Variants in MRC2 observed in about 807,000 individuals in gnomAD.
MRC2 encodes the protein C-type mannose receptor 2.
In MRC2, 84 loss-of-function variants were observed where a neutral mutation model predicts 206.2. The observed-to-expected ratio is 0.41, with a 90% confidence interval of 0.34 to 0.49. The LOEUF (loss-of-function observed/expected upper bound fraction) is 0.49, where lower values mean the gene tolerates loss of function less well. MRC2 is among the 20% of genes least tolerant of loss of function. The pLI is 0.31. For synonymous variants in MRC2, 798 were observed against 800.0 expected, an observed-to-expected ratio of 1.00 and a Z score of 0.04; for missense variants, 1,676 against 2,001.5, an observed-to-expected ratio of 0.84 and a Z score of 3.10.
intron 8 of MRC2, among the ~76,000 whole-genome samples, chr17:62,673,272 A>C (rs2088849604): frequency 6.6e-6 from 1 of 152,098 alleles, no homozygotes; most frequent in Non-Finnish European, 1.5e-5. Flanking sequence ...GCCTGTGGAT[A>C]CTGGGGAGGG....
intron 1 of MRC2, among the ~76,000 whole-genome samples, chr17:62,661,187 G>A (rs60354146): frequency 0.031 from 4,681 of 152,278 alleles, 267 homozygotes; most frequent in African/African-American, 0.11. Context: ...AGATCAGGCC[G>A]TTAGACAGGA....
chr17:62,680,393 A>G lies in MRC2; in HGVS notation c.2438-25A>G. ...TCCAGGGAGGGTCTCCTTTCCTCAC[A>G]ACGTCTTTGTCCTTGTTCCCCTAGG... On this transcript the variant is annotated intron_variant, in intron 15 of 29. Transcript: ENST00000303375. The surrounding 1 kb of genome is among the most constrained non-coding windows in gnomAD (Gnocchi z 4.8). The G allele has an allele frequency of 1.2e-6, 2 of 1,613,992 alleles. No individual in the cohort carries two copies. Among genetic ancestry groups the G allele is most frequent in the Non-Finnish European group, 1.7e-6 (2 of 1,179,930 alleles).
intron 1 of MRC2, among the ~76,000 whole-genome samples, chr17:62,643,887 T>A (rs1386731633): frequency 6.6e-6 from 1 of 152,170 alleles, no homozygotes; most frequent in Non-Finnish European, 1.5e-5. Context: ...GAAAAATCCC[T>A]TTGCTGAAAT....
chr17:62,671,590 G>T lies in MRC2; in HGVS notation c.1118-59G>T. 4 of 1,484,220 alleles carry T rather than the reference G, an allele frequency of 2.7e-6. No individual in the cohort carries two copies. Among genetic ancestry groups the T allele is most frequent in the Admixed American group, 2.3e-5 (1 of 44,254 alleles). The allele number at this position is 1,484,220 out of a possible 1,614,324, so 91.9% of individuals were successfully genotyped here. Reference sequence around the variant, plus strand: ...CGCCTGTGTTGACGTCAACCCAGTGGGTTGGTTCCCAGACTGGGCGGCTCA... The same window carrying T: ...CGCCTGTGTTGACGTCAACCCAGTGTGTTGGTTCCCAGACTGGGCGGCTCA... On this transcript the variant is annotated intron_variant, in intron 6 of 29. Coordinates refer to ENST00000303375, the MANE Select transcript of MRC2 (RefSeq NM_006039.5). This position sits in a 1 kb window ranked among gnomAD's most constrained non-coding sequence, Gnocchi z 4.5.
At chr17:62,688,997 G>A (rs1474726527) in intron 23 of MRC2, 37 bp downstream of exon 23, 2 of 1,542,150 alleles carry the variant, frequency 1.3e-6, no homozygotes, top group East Asian at 4.5e-5. Context: ...CCCCAGTGGG[G>A]CCCTGGCACC....
At chr17:62,689,310 A>T in intron 23 of MRC2, 1 of 577,792 alleles carries the variant, frequency 1.7e-6, no homozygotes, top group Non-Finnish European at 3.1e-6. Flanking sequence ...GGGTAGGAGG[A>T]GGTCAAGGCC....
At chr17:62,638,299 A>G (rs1007811744) in intron 1 of MRC2, among the ~76,000 whole-genome samples, 1 of 152,226 alleles carries the variant, frequency 6.6e-6, no homozygotes, top group African/African-American at 2.4e-5. Flanking sequence ...CATGAAAAAC[A>G]TCATATGGTT....
At chr17:62,679,603 C>T (rs974356363) in intron 13 of MRC2, 197 bp from the exon 14 acceptor site, 11 of 495,422 alleles carry the variant, frequency 2.2e-5, no homozygotes, top group East Asian at 1.7e-4. Context: ...CCAGCTCTCC[C>T]CAGCTCTGTC....
At chr17:62,688,700 C>T (rs747061768) in intron 22 of MRC2, 36 bp downstream of exon 22, 1 of 1,608,098 alleles carries the variant, frequency 6.2e-7, no homozygotes, top group Non-Finnish European at 8.5e-7. Context: ...CCGCACCGCG[C>T]TGCCCTAAGC....
At chr17:62,646,150 A>G (rs891795105) in intron 1 of MRC2, among the ~76,000 whole-genome samples, 13 of 148,908 alleles carry the variant, frequency 8.7e-5, no homozygotes, top group Non-Finnish European at 1.8e-4. Flanking sequence ...TCAGCCTCCC[A>G]AGTAGCTGGG....
At chr17:62,633,826 G>A (rs1208088188) in intron 1 of MRC2, among the ~76,000 whole-genome samples, 2 of 107,626 alleles carry the variant, frequency 1.9e-5, no homozygotes, top group Admixed American at 1.4e-4. Flanking sequence ...GAGTGACAGA[G>A]TGAGACCCTG....
intron 6 of MRC2, among the ~76,000 whole-genome samples, chr17:62,668,633 C>T (rs765924972): frequency 2.6e-4 from 40 of 152,248 alleles, no homozygotes; most frequent in South Asian, 1.9e-3. Flanking sequence ...GCTTAAAGGG[C>T]ATGGTGAAGA....
At chr17:62,661,003 G>A (rs1176278625) in intron 1 of MRC2, among the ~76,000 whole-genome samples, 2 of 152,188 alleles carry the variant, frequency 1.3e-5, no homozygotes, top group East Asian at 1.9e-4. Flanking sequence ...GTCACTTTAC[G>A]ATTGGGAGGC....
Position 62,680,411 on chromosome 17 carries a change from C to T in MRC2, c.2438-7C>T. 2.5e-6 allele frequency: 4 copies of T among 1,614,130 alleles called. No homozygotes were observed. Among genetic ancestry groups the T allele is most frequent in the African/African-American group, 2.7e-5 (2 of 75,040 alleles). The stretch of plus-strand genomic sequence containing the variant: ...TCCTCACAACGTCTTTGTCCTTGTT[C>T]CCCTAGGTACGGACGTGCGGGAGCC... On this transcript the variant is annotated splice_region_variant and splice_polypyrimidine_tract_variant and intron_variant, in intron 15 of 29. Coordinates refer to ENST00000303375, the MANE Select transcript of MRC2 (RefSeq NM_006039.5). The surrounding 1 kb of genome is among the most constrained non-coding windows in gnomAD (Gnocchi z 4.8).
intron 23 of MRC2, 174 bp from the exon 24 acceptor site, chr17:62,689,348 A>C: frequency 1.7e-6 from 1 of 589,934 alleles, no homozygotes; most frequent in East Asian, 2.8e-5. Context: ...TTGTTAGCAA[A>C]CATGTATTAT....
chr17:62,643,258 G>A (rs2088429003), intron 1 of MRC2, among the ~76,000 whole-genome samples: 1 of 148,448 alleles, frequency 6.7e-6, no homozygotes, highest in Admixed American at 6.8e-5. Context: ...AAACCGGGAG[G>A]TGGAGGTTGC....
intron 1 of MRC2, among the ~76,000 whole-genome samples, chr17:62,635,328 T>C (rs2088300795): frequency 1.3e-5 from 2 of 149,040 alleles, no homozygotes; most frequent in Non-Finnish European, 3.0e-5. Flanking sequence ...AGAAAAAAAA[T>C]CCCACCCTCA....
Position 62,689,970 on chromosome 17 carries a change from C to T in MRC2, c.3650C>T (p.Pro1217Leu), listed in dbSNP as rs370991163. 9.9e-6 allele frequency: 16 copies of T among 1,612,372 alleles called. No individual in the cohort carries two copies. The highest frequency in any genetic ancestry group is 2.2e-5 in the South Asian group (2 of 91,020). ...TGGCAGGACGGGGAGCCGCAGCAGC[C>T]GGGGGGCTGTACCTACGTAGATGTG... ...VGWQDGEPQQ[P>L]GGCTYVDVDG... The change falls in exon 25 of 30, where the codon CCG (proline) becomes CTG (leucine). Residue 1217 changes from proline to leucine, a missense_variant. Pro to Leu is a moderately conservative substitution (Grantham distance 98, BLOSUM62 -3). Transcript: ENST00000303375.
In MRC2 at chr17:62,666,915, G is replaced by A. The variant is rs1055638669; in HGVS notation, c.973+45G>A. 17 of 1,500,672 alleles carry A rather than the reference G, an allele frequency of 1.1e-5. No individual in the cohort carries two copies. The Admixed American group carries it at 1.5e-4, about 14-fold the overall frequency. The allele number at this position is 1,500,672 out of a possible 1,614,324, so 93.0% of individuals were successfully genotyped here. A position where few individuals can be genotyped will look rare whatever the true frequency, so the allele number is the denominator to read the frequency against. ...GCGCAGGGCAGCATAGGGGCCCCGC[G>A]GGCTCTTGGCCTCCCATGGACTCCT... On this transcript the variant is annotated intron_variant, in intron 5 of 29. Coordinates refer to ENST00000303375, the MANE Select transcript of MRC2 (RefSeq NM_006039.5). The surrounding 1 kb of genome is among the most constrained non-coding windows in gnomAD (Gnocchi z 5.0).
Sources: gnomAD v4.1 joint callset for allele counts (sites outside exome capture counted in the v4.1 genomes callset) on GRCh38, gnomAD v4.1.1 for gene constraint, Gnocchi (gnomAD v3.1) non-coding constraint, MANE v1.5 for transcripts, NCBI Gene and HGNC (gene_info 2026-07-23, HGNC 2026-07-21) for gene names.